STAG2: variants seen among roughly 807,000 people sequenced by gnomAD.
STAG2 encodes the protein cohesin subunit SA-2.
In STAG2, 14 loss-of-function variants were observed where a neutral mutation model predicts 108.1. The observed-to-expected ratio is 0.13, with a 90% CI of 0.09 to 0.20. STAG2 has a LOEUF of 0.20. Ranked by LOEUF, STAG2 falls within the 10% of genes least tolerant of loss-of-function variation. The pLI is 1.00. For missense variants in STAG2, 440 were observed against 940.9 expected (o/e 0.47, Z 6.96); for synonymous variants, 307 against 302.7 (o/e 1.01, Z -0.15).
At chrX:124,067,029 A>T (rs2058549825) in intron 23 of STAG2, among the ~76,000 whole-genome samples, 1 of 111,173 alleles carries the variant, frequency 9.0e-6, no homozygotes, top group East Asian at 2.8e-4. Flanking sequence ...TACCTTAAAT[A>T]TTGTTTGGGC....
intron 20 of STAG2, among the ~76,000 whole-genome samples, chrX:124,065,201 C>G (rs1484134600): frequency 9.0e-6 from 1 of 111,729 alleles, no homozygotes; most frequent in Non-Finnish European, 1.9e-5. Context: ...TTGATTAGGA[C>G]AAATTAAAAT....
Position 124,063,098 on chromosome X carries a change from G to A in STAG2, c.1732-18G>A, listed in dbSNP as rs758294062. The A allele has an allele frequency of 1.7e-6, 2 of 1,188,317 alleles. No individual in the cohort carries two copies. Among genetic ancestry groups the A allele is most frequent in the East Asian group, 5.9e-5 (2 of 33,687 alleles). ...TTTCTTATTGTGATATTTTTAACGT[G>A]ATCTTTATATTTCACAGTACTCTGT... is the stretch of plus-strand genomic sequence containing the variant. On this transcript the variant is annotated intron_variant, in intron 18 of 34. Transcript: ENST00000371145.
intron 1 of STAG2, among the ~76,000 whole-genome samples, chrX:124,014,842 G>A (rs142276749): frequency 1.3e-3 from 141 of 110,260 alleles, no homozygotes; most frequent in African/African-American, 4.2e-3. Flanking sequence ...CTCCATCCAG[G>A]TTTGTGTAAA....
intron 11 of STAG2, 58 bp downstream of exon 11, chrX:124,050,367 C>G: frequency 8.9e-7 from 1 of 1,120,884 alleles, no homozygotes; most frequent in South Asian, 2.4e-5. Context: ...GTCTGCACCT[C>G]TCATTCATGA....
At chrX:124,092,189 G>A (rs1049225383) in intron 32 of STAG2, among the ~76,000 whole-genome samples, 1 of 110,942 alleles carries the variant, frequency 9.0e-6, no homozygotes, top group Non-Finnish European at 1.9e-5. Flanking sequence ...TATGAGTGGT[G>A]GCCTGCATAA....
intron 5 of STAG2, among the ~76,000 whole-genome samples, chrX:124,032,440 TTTTAA>T (rs1272488089): frequency 4.5e-5 from 5 of 111,460 alleles, no homozygotes; most frequent in South Asian, 3.7e-4. Context: ...CTTAATAAAG[TTTTAA>T]TTTAATTTAT....
chrX:124,045,397 T>C (rs2057841782), intron 8 of STAG2, 29 bp downstream of exon 8: 2 of 1,093,365 alleles, frequency 1.8e-6, no homozygotes, highest in Non-Finnish European at 2.5e-6. Context: ...TTTCTGCATA[T>C]TGTCTTAGAT....
chrX:124,037,045 C>T (rs1420622602), intron 5 of STAG2, among the ~76,000 whole-genome samples: 8 of 109,957 alleles, frequency 7.3e-5, no homozygotes, highest in Admixed American at 1.9e-4. Flanking sequence ...ACCACCACGC[C>T]TGGCTAATTT....
At chrX:124,039,407 C>T (rs985002994) in intron 6 of STAG2, among the ~76,000 whole-genome samples, 1 of 109,251 alleles carries the variant, frequency 9.2e-6, no homozygotes, top group African/African-American at 3.3e-5. Flanking sequence ...CCTCATCCTC[C>T]GAAGTAGCTG....
intron 15 of STAG2, 26 bp from the exon 16 acceptor site, chrX:124,061,198 A>T: frequency 9.1e-7 from 1 of 1,097,611 alleles, no homozygotes; most frequent in Non-Finnish European, 1.2e-6. Context: ...ATTGTCTAAG[A>T]CCACATTGCT....
At chrX:124,045,876 G>T (rs2057860822) in intron 8 of STAG2, among the ~76,000 whole-genome samples, 1 of 110,762 alleles carries the variant, frequency 9.0e-6, no homozygotes, top group Non-Finnish European at 1.9e-5. Context: ...GGTGTGCGTT[G>T]CCTCTCCAGG....
chrX:124,028,416 A>G (rs1475922024), intron 4 of STAG2, among the ~76,000 whole-genome samples: 1 of 111,705 alleles, frequency 9.0e-6, no homozygotes, highest in Non-Finnish European at 1.9e-5. Flanking sequence ...TGATTCTATC[A>G]TGCTACTCAG....
chrX:124,072,393 A>C (rs182765160), intron 25 of STAG2, among the ~76,000 whole-genome samples: 5 of 112,181 alleles, frequency 4.5e-5, no homozygotes, highest in Admixed American at 9.5e-5. Context: ...TACTTTTAGC[A>C]ATAGAGAGCT....
Position 124,078,078 on chromosome X carries a change from A to C in STAG2, c.2775+20A>C, listed in dbSNP as rs372080184. The C allele has an allele frequency of 1.8e-5, 19 of 1,079,461 alleles. No individual in the cohort carries two copies. The African/African-American group carries it at 3.2e-4, about 18-fold the overall frequency. The allele number at this position is 1,079,461 out of a possible 1,213,427, so 89.0% of individuals were successfully genotyped here. A position where few individuals can be genotyped will look rare whatever the true frequency, so the allele number is the denominator to read the frequency against. On this transcript the variant is annotated intron_variant, in intron 27 of 34. Coordinates refer to ENST00000371145, the MANE Select transcript of STAG2 (RefSeq NM_001042750.2). Reference sequence around the variant, plus strand: ...CAACAGGTAAGCATTAAGAGTACCAACTTTAGCTAACACAATTAACACCTA... The same window carrying C: ...CAACAGGTAAGCATTAAGAGTACCACCTTTAGCTAACACAATTAACACCTA...
rs745329478 is a variant in STAG2 at position 124,049,047 on chromosome X, A to T, written c.862A>T (p.Ile288Leu). ...QDEIENMMNAIFKGVFVHRYR... is the reference protein window; with the variant it reads ...QDEIENMMNALFKGVFVHRYR... ...TGAAATAGAAAATATGATGAATGCAATATTTAAAGGAGTGTTTGTACATAG... is the reference window on the plus strand; with the variant it reads ...TGAAATAGAAAATATGATGAATGCATTATTTAAAGGAGTGTTTGTACATAG... The change falls in exon 10 of 35, where the codon ATA becomes TTA. Residue 288 changes from isoleucine (I) to leucine (L), a missense_variant. Ile to Leu is a conservative substitution (Grantham distance 5). This residue lies in a region of STAG2 where 69 missense variants were observed against 254.9 expected (regional missense o/e 0.27). Transcript: ENST00000371145. 8.3e-7 allele frequency: 1 copy of T among 1,199,370 alleles called. No individual in the cohort carries two copies. The highest frequency in any genetic ancestry group is 1.1e-6 in the Non-Finnish European group (1 of 887,685).
intron 1 of STAG2, among the ~76,000 whole-genome samples, chrX:123,970,164 C>G (rs1019349059): frequency 9.2e-6 from 1 of 108,415 alleles, no homozygotes; most frequent in Non-Finnish European, 1.9e-5. Flanking sequence ...ACTTTTTTCC[C>G]AGGTGATGAA....
At position 124,056,241 on chromosome X, in the gene STAG2, T is replaced by C; in HGVS notation, c.1304+6T>C. 1.7e-6 allele frequency: 2 copies of C among 1,156,931 alleles called. No individual in the cohort carries two copies. Among genetic ancestry groups the C allele is most frequent in the Admixed American group, 2.2e-5 (1 of 45,586 alleles). ...GGAGAATTTCTCTACAAAAAGTAAATCTATATATCTGTTACTCATTTTCTA... is the reference window on the plus strand; with the variant it reads ...GGAGAATTTCTCTACAAAAAGTAAACCTATATATCTGTTACTCATTTTCTA... On this transcript the variant is annotated splice_donor_region_variant and intron_variant, in intron 14 of 34. Coordinates refer to ENST00000371145, the MANE Select transcript of STAG2 (RefSeq NM_001042750.2).
chrX:124,005,243 G>A (rs972577934), intron 1 of STAG2, among the ~76,000 whole-genome samples: 1 of 111,398 alleles, frequency 9.0e-6, no homozygotes, highest in African/African-American at 3.3e-5. Context: ...CCATGGATAT[G>A]GAGGGCTAAC....
rs2058449953 is a variant in STAG2 at position 124,063,925 on chromosome X, T to C, written c.1899T>C (p.Ser633=). The change falls in exon 20 of 35, where the codon TCT becomes TCC. Residue 633 remains serine, a synonymous_variant. Coordinates refer to ENST00000371145, the MANE Select transcript of STAG2 (RefSeq NM_001042750.2). ...ATACAGATGTTTTGGAAGCATGTTCTAAAACTTACCATGCACTCTGTAATG... is the reference window on the plus strand; with the variant it reads ...ATACAGATGTTTTGGAAGCATGTTCCAAAACTTACCATGCACTCTGTAATG... ...HTDTDVLEAC[S]KTYHALCNEE... 2 of 1,209,007 alleles carry C rather than the reference T, an allele frequency of 1.7e-6. No homozygotes were observed. Among genetic ancestry groups the C allele is most frequent in the East Asian group, 5.9e-5 (2 of 33,842 alleles).
Sources: allele counts gnomAD v4.1 joint callset (sites outside exome capture counted in the v4.1 genomes callset), GRCh38; gene constraint gnomAD v4.1.1; regional missense constraint gnomAD v4.1.1; transcripts MANE v1.5; gene names NCBI Gene and HGNC (gene_info 2026-07-23, HGNC 2026-07-21).